The following MAGI1 variants were observed in gnomAD, a reference collection of about 807,000 sequenced individuals.
MAGI1 encodes the protein membrane-associated guanylate kinase, WW and PDZ domain-containing protein 1.
In MAGI1, 58 loss-of-function variants were observed where a neutral mutation model predicts 139.9. That is an observed-to-expected ratio of 0.41 (90% CI 0.34 to 0.52). MAGI1 has a LOEUF of 0.52. Among genes scored for constraint, MAGI1 ranks in the 20% least tolerant of loss-of-function variants. The pLI is 0.12. For missense variants in MAGI1, 1,874 were observed against 1,901.6 expected (o/e 0.99, Z 0.27); for synonymous variants, 812 against 737.9 (o/e 1.10, Z -1.63).
intron 1 of MAGI1, among the ~76,000 whole-genome samples, chr3:65,639,150 A>T (rs1185341122): frequency 6.6e-6 from 1 of 152,170 alleles, no homozygotes; most frequent in Non-Finnish European, 1.5e-5. Flanking sequence ...CAAATTGTTC[A>T]TCAGTGTATA....
chr3:65,515,225 G>T (rs1406947131), intron 2 of MAGI1, among the ~76,000 whole-genome samples: 1 of 145,594 alleles, frequency 6.9e-6, no homozygotes, highest in African/African-American at 2.6e-5. Flanking sequence ...CGAGTTAGTG[G>T]GTGCAGCACA....
At chr3:65,613,892 C>T (rs932263764) in intron 2 of MAGI1, among the ~76,000 whole-genome samples, 2 of 151,834 alleles carry the variant, frequency 1.3e-5, no homozygotes, top group Admixed American at 1.3e-4. Flanking sequence ...TAAAGAGAAA[C>T]TGAAAAGAGT....
intron 8 of MAGI1, among the ~76,000 whole-genome samples, chr3:65,440,848 T>TATATAC (rs1490596612): frequency 2.8e-4 from 9 of 32,442 alleles, no homozygotes; most frequent in African/African-American, 4.9e-4. Flanking sequence ...CATATATACA[T>TATATAC]ATGTATACAT....
At chr3:65,413,192 A>C (rs766371550) in intron 12 of MAGI1, among the ~76,000 whole-genome samples, 42 of 152,186 alleles carry the variant, frequency 2.8e-4, no homozygotes, top group Non-Finnish European at 4.1e-4. Flanking sequence ...TACTTCTGCA[A>C]AATAGGAAAA....
At chr3:65,502,391 T>C (rs575255197) in intron 2 of MAGI1, among the ~76,000 whole-genome samples, 2 of 105,196 alleles carry the variant, frequency 1.9e-5, no homozygotes, top group Non-Finnish European at 3.8e-5. Flanking sequence ...GACTTTCTGC[T>C]TAGCATAAGG....
chr3:65,533,009 T>C (rs1255696885), intron 2 of MAGI1: 5 of 152,236 alleles, frequency 3.3e-5, no homozygotes, highest in Non-Finnish European at 7.3e-5. Flanking sequence ...GAATTCTTTA[T>C]CTACTTTGTA....
intron 1 of MAGI1, among the ~76,000 whole-genome samples, chr3:65,658,893 T>C (rs895230215): frequency 2.6e-5 from 4 of 152,216 alleles, no homozygotes; most frequent in Admixed American, 6.5e-5. Context: ...CACATGAGCA[T>C]GCAATAATGC....
At chr3:66,001,516 A>C (rs1560099459) in intron 1 of MAGI1, among the ~76,000 whole-genome samples, 1 of 152,180 alleles carries the variant, frequency 6.6e-6, no homozygotes, top group Non-Finnish European at 1.5e-5. Context: ...CACTTGACAG[A>C]CAAGATCCCT....
intron 1 of MAGI1, chr3:65,844,546 G>T: frequency 4.8e-6 from 1 of 209,464 alleles, no homozygotes; most frequent in African/African-American, 2.4e-5. Flanking sequence ...TTAACATATT[G>T]AAAGCTCTGA....
At chr3:65,874,736 C>G (rs1190090386) in intron 1 of MAGI1, 1 of 152,150 alleles carries the variant, frequency 6.6e-6, no homozygotes, top group Non-Finnish European at 1.5e-5. Context: ...CCATTTGAAC[C>G]AGCAATTCCA....
intron 1 of MAGI1, among the ~76,000 whole-genome samples, chr3:66,028,455 G>C (rs1406516675): frequency 6.6e-6 from 1 of 152,060 alleles, no homozygotes; most frequent in Non-Finnish European, 1.5e-5. Context: ...TCTCTCAGCT[G>C]GGAAGTGCGA....
intron 1 of MAGI1, among the ~76,000 whole-genome samples, chr3:66,019,797 A>G (rs1055311504): frequency 2.8e-4 from 43 of 152,146 alleles, no homozygotes; most frequent in African/African-American, 1.0e-3. Flanking sequence ...CACCTGTCCA[A>G]TTTGACCTTT....
intron 2 of MAGI1, among the ~76,000 whole-genome samples, chr3:65,564,369 C>T (rs988425907): frequency 1.3e-5 from 2 of 152,104 alleles, no homozygotes; most frequent in Admixed American, 1.3e-4. Flanking sequence ...CCATCTTCTG[C>T]CCCTGTTTTT....
chr3:66,016,752 T>G (rs2067662750), intron 1 of MAGI1, among the ~76,000 whole-genome samples: 1 of 152,118 alleles, frequency 6.6e-6, no homozygotes, highest in Admixed American at 6.5e-5. Context: ...CAACCCAATC[T>G]CCATCAACAG....
chr3:65,828,805 T>C (rs2042366847), intron 1 of MAGI1, among the ~76,000 whole-genome samples: 1 of 152,178 alleles, frequency 6.6e-6, no homozygotes, highest in South Asian at 2.1e-4. Flanking sequence ...ACTGAGAACT[T>C]TTCCTGTTCT....
At chr3:65,417,535 A>G (rs560447037) in intron 12 of MAGI1, among the ~76,000 whole-genome samples, 2 of 151,624 alleles carry the variant, frequency 1.3e-5, no homozygotes, top group South Asian at 2.1e-4. Flanking sequence ...TTTTTAAAGC[A>G]TAAATTAAAC....
intron 1 of MAGI1, among the ~76,000 whole-genome samples, chr3:65,677,798 A>C (rs1301038793): frequency 6.6e-6 from 1 of 152,194 alleles, no homozygotes; most frequent in Non-Finnish European, 1.5e-5. Flanking sequence ...GCACTAAATC[A>C]CTGGAAGTGC....
At chr3:65,849,468 C>CAT (rs10529813) in intron 1 of MAGI1, among the ~76,000 whole-genome samples, 5,188 of 144,714 alleles carry the variant, frequency 0.036, 139 homozygotes, top group Middle Eastern at 0.07. Flanking sequence ...AGTAAACTTT[C>CAT]ATATATATAT....
chr3:65,858,992 T>C (rs2059455842), intron 1 of MAGI1, among the ~76,000 whole-genome samples: 1 of 152,206 alleles, frequency 6.6e-6, no homozygotes. Flanking sequence ...AGGAATCATG[T>C]ACACGTTGGC....
Sources: allele counts gnomAD v4.1 joint callset (sites outside exome capture counted in the v4.1 genomes callset), GRCh38; gene constraint gnomAD v4.1.1; transcripts MANE v1.5; gene names NCBI Gene and HGNC (gene_info 2026-07-23, HGNC 2026-07-21).